Variants in CYB5A observed in about 807,000 individuals in gnomAD.
CYB5A encodes the protein cytochrome b5.
Under a neutral mutation model 16.2 loss-of-function variants are expected in CYB5A, and 10 were observed. The ratio of observed to expected loss-of-function variants is 0.62; its 90% CI spans 0.38 to 1.04. CYB5A has a LOEUF of 1.04. Ranked by LOEUF, CYB5A falls within the 50% of genes least tolerant of loss-of-function variation. The probability of loss-of-function intolerance (pLI) is 0.01; values close to 1 mark genes in which losing one functional copy is unlikely to be tolerated. For synonymous variants in CYB5A, 62 were observed against 57.0 expected (o/e 1.09, Z -0.40); for missense variants, 161 against 165.9 (o/e 0.97, Z 0.16).
intron 1 of CYB5A, among the ~76,000 whole-genome samples, chr18:74,269,554 C>A (rs1048463016): frequency 6.6e-6 from 1 of 152,216 alleles, no homozygotes. Context: ...ATGCACACTC[C>A]AGCGTAACAG....
chr18:74,285,451 C>A (rs1983281103), intron 1 of CYB5A, among the ~76,000 whole-genome samples: 1 of 152,198 alleles, frequency 6.6e-6, no homozygotes, highest in South Asian at 2.1e-4. Flanking sequence ...CATACATTTC[C>A]CTTTTTAACA....
chr18:74,277,606 G>A lies in CYB5A; in HGVS notation c.130-14129C>T, dbSNP rs147747052. Among the ~76,000 whole-genome samples, 617 of 152,294 alleles carry A rather than the reference G, an allele frequency of 4.1e-3. 3 individuals carry two copies. Among genetic ancestry groups the A allele is most frequent in the South Asian group, 0.011 (54 of 4,824 alleles). ...ATGTAAACAGATAGCTAAATGTGGC[G>A]AGCATCAGGTGCAGGAGTCATGGCA... On this transcript the variant is annotated intron_variant, in intron 1 of 4. Coordinates refer to ENST00000340533, the MANE Select transcript of CYB5A (RefSeq NM_148923.4).
In CYB5A at chr18:74,263,290, G is replaced by C. The variant is rs1052359016; in HGVS notation, c.258+59C>G. 6.9e-5 allele frequency: 111 copies of C among 1,608,044 alleles called. No homozygotes were observed. The Middle Eastern group carries it at 9.9e-4, about 14-fold the overall frequency. On this transcript the variant is annotated intron_variant, in intron 2 of 4. Transcript: ENST00000340533. The stretch of plus-strand genomic sequence containing the variant: ...GTATACATGCAAGCTTACAGACTAG[G>C]GTAAGGTCATCTGATAGCCTTAAAT...
At chr18:74,290,839 A>T (rs1212730483) in intron 1 of CYB5A, 1 of 152,246 alleles carries the variant, frequency 6.6e-6, no homozygotes, top group Non-Finnish European at 1.5e-5. Context: ...GAATGCAAAG[A>T]ATCTTATCAA....
At chr18:74,263,970 G>A (rs1463176429) in intron 1 of CYB5A, among the ~76,000 whole-genome samples, 3 of 151,922 alleles carry the variant, frequency 2.0e-5, no homozygotes, top group African/African-American at 4.8e-5. Flanking sequence ...GGTAGCTCAC[G>A]CCTGTAATCC....
intron 1 of CYB5A, among the ~76,000 whole-genome samples, chr18:74,263,809 G>A (rs960499847): frequency 5.3e-5 from 8 of 152,102 alleles, no homozygotes; most frequent in African/African-American, 1.9e-4. Flanking sequence ...ATACATGAGA[G>A]GCTGAGGTGG....
chr18:74,263,243 T>C, intron 2 of CYB5A, 106 bp downstream of exon 2: 1 of 1,458,620 alleles, frequency 6.9e-7, no homozygotes, highest in Non-Finnish European at 9.6e-7. Context: ...GAGTTGTTTT[T>C]GCTTTACTCC....
At chr18:74,266,591 G>C (rs1402225935) in intron 1 of CYB5A, among the ~76,000 whole-genome samples, 1 of 152,080 alleles carries the variant, frequency 6.6e-6, no homozygotes, top group African/African-American at 2.4e-5. Flanking sequence ...CAATTTCATG[G>C]GGTAATTCCA....
At chr18:74,276,912 G>A (rs534854395) in intron 1 of CYB5A, among the ~76,000 whole-genome samples, 4 of 152,254 alleles carry the variant, frequency 2.6e-5, no homozygotes, top group Admixed American at 1.3e-4. Flanking sequence ...AGAGAAGTTC[G>A]AGAAAGACAA....
intron 1 of CYB5A, among the ~76,000 whole-genome samples, chr18:74,283,149 C>T (rs1412411291): frequency 1.3e-5 from 2 of 152,154 alleles, no homozygotes; most frequent in African/African-American, 4.8e-5. Context: ...ACCCTGCAAC[C>T]AACCTCGTGG....
chr18:74,279,581 GAA>G (rs1357857403), intron 1 of CYB5A, among the ~76,000 whole-genome samples: 1 of 151,926 alleles, frequency 6.6e-6, no homozygotes, highest in Non-Finnish European at 1.5e-5. Flanking sequence ...AGAGATAATA[GAA>G]TAGCCTACGC....
At chr18:74,288,793 G>A (rs1362875) in intron 1 of CYB5A, among the ~76,000 whole-genome samples, 52,540 of 151,966 alleles carry the variant, frequency 0.35, 9,782 homozygotes, top group East Asian at 0.42. Context: ...GCCGGGGGCT[G>A]GGAAGCCAAT....
Position 74,268,124 on chromosome 18 carries a change from C to T in CYB5A, c.130-4647G>A, listed in dbSNP as rs188366826. ...GCAGCCACAGTCGGAGCCAAGATAGCGACGGCTCCCGCCTCGGGGAGTTCA... is the reference window on the plus strand; with the variant it reads ...GCAGCCACAGTCGGAGCCAAGATAGTGACGGCTCCCGCCTCGGGGAGTTCA... On this transcript the variant is annotated intron_variant, in intron 1 of 4. Coordinates refer to ENST00000340533, the MANE Select transcript of CYB5A (RefSeq NM_148923.4). Among the ~76,000 whole-genome samples, 583 of 152,326 alleles carry T rather than the reference C, an allele frequency of 3.8e-3. 4 individuals carry two copies. The highest frequency in any genetic ancestry group is 0.013 in the African/African-American group (524 of 41,576).
At chr18:74,278,547 C>T (rs934673398) in intron 1 of CYB5A, among the ~76,000 whole-genome samples, 13 of 152,308 alleles carry the variant, frequency 8.5e-5, no homozygotes, top group Admixed American at 5.2e-4. Flanking sequence ...ACCTCTCCTT[C>T]ATCTTCAAAA....
chr18:74,291,660 T>C (rs1443070526), intron 1 of CYB5A, 87 bp downstream of exon 1: 4 of 1,593,242 alleles, frequency 2.5e-6, no homozygotes, highest in Non-Finnish European at 2.6e-6. Flanking sequence ...GTATGCGGAC[T>C]CCGGGCCGCG....
At chr18:74,269,512 A>C (rs1982586990) in intron 1 of CYB5A, among the ~76,000 whole-genome samples, 1 of 139,012 alleles carries the variant, frequency 7.2e-6, no homozygotes, top group East Asian at 2.1e-4. Context: ...TCCCACACAC[A>C]GCAGCTACTC....
chr18:74,291,647 T>C, intron 1 of CYB5A, 100 bp downstream of exon 1: 2 of 1,555,852 alleles, frequency 1.3e-6, no homozygotes, highest in South Asian at 1.1e-5. Context: ...CGCCTAGGCG[T>C]AGGTATGCGG....
intron 3 of CYB5A, 127 bp downstream of exon 3, chr18:74,260,788 A>T: frequency 1.2e-6 from 1 of 811,336 alleles, no homozygotes; most frequent in Non-Finnish European, 2.2e-6. Context: ...CCAGTAGGTT[A>T]CATATTCATT....
At chr18:74,276,675 C>G (rs1465136169) in intron 1 of CYB5A, among the ~76,000 whole-genome samples, 1 of 152,088 alleles carries the variant, frequency 6.6e-6, no homozygotes, top group Non-Finnish European at 1.5e-5. Context: ...GTCATGCCTT[C>G]GGAGGGTTTG....
Sources: allele counts gnomAD v4.1 joint callset (sites outside exome capture counted in the v4.1 genomes callset), GRCh38; gene constraint gnomAD v4.1.1; transcripts MANE v1.5; gene names NCBI Gene and HGNC (gene_info 2026-07-23, HGNC 2026-07-21).